CALN1: variants seen among roughly 807,000 people sequenced by gnomAD.
CALN1 encodes the protein calcium-binding protein 8.
CALN1 carries 17 observed loss-of-function variants against 30.6 expected under a neutral mutation model. The observed-to-expected ratio is 0.56, with a 90% confidence interval of 0.38 to 0.83. CALN1 has a LOEUF of 0.83. CALN1 is among the 40% of genes least tolerant of loss of function. The pLI, the probability that CALN1 is intolerant of heterozygous loss-of-function variation, is 0.00. For missense variants in CALN1, 291 were observed against 354.9 expected (o/e 0.82, Z 1.45); for synonymous variants, 156 against 131.4 (o/e 1.19, Z -1.28).
At chr7:72,346,768 G>A (rs1245163104) in intron 2 of CALN1, among the ~76,000 whole-genome samples, 1 of 152,056 alleles carries the variant, frequency 6.6e-6, no homozygotes, top group African/African-American at 2.4e-5. Context: ...CACCCGCCTT[G>A]GCCTCCCAAA....
At chr7:72,440,248 C>T (rs1808306913) in intron 1 of CALN1, among the ~76,000 whole-genome samples, 1 of 152,172 alleles carries the variant, frequency 6.6e-6, no homozygotes, top group Non-Finnish European at 1.5e-5. Context: ...TTAGGTAGCA[C>T]CCAGAATACC....
intron 5 of CALN1, among the ~76,000 whole-genome samples, chr7:71,854,361 C>G (rs886998820): frequency 6.6e-6 from 1 of 150,440 alleles, no homozygotes; most frequent in East Asian, 2.0e-4. Context: ...AAAAAACAGA[C>G]AGACAGACAG....
intron 2 of CALN1, among the ~76,000 whole-genome samples, chr7:72,319,242 T>G (rs1800706917): frequency 6.6e-6 from 1 of 152,110 alleles, no homozygotes; most frequent in East Asian, 1.9e-4. Flanking sequence ...ACTGGACAAT[T>G]TACAAAAGAA....
At chr7:72,235,146 C>T (rs1235823801) in intron 3 of CALN1, among the ~76,000 whole-genome samples, 5 of 152,062 alleles carry the variant, frequency 3.3e-5, no homozygotes, top group South Asian at 4.2e-4. Context: ...TGGTAGCATG[C>T]TCCTGTAGTC....
intron 3 of CALN1, among the ~76,000 whole-genome samples, chr7:72,271,820 T>C (rs1427123820): frequency 6.6e-6 from 1 of 151,370 alleles, no homozygotes; most frequent in African/African-American, 2.4e-5. Flanking sequence ...CCCAGCACTT[T>C]GGAGGCTGAG....
At chr7:72,332,120 T>C (rs1335003830) in intron 2 of CALN1, among the ~76,000 whole-genome samples, 1 of 152,166 alleles carries the variant, frequency 6.6e-6, no homozygotes, top group Non-Finnish European at 1.5e-5. Context: ...TGTAAGATGA[T>C]TCCATGTCTT....
intron 2 of CALN1, among the ~76,000 whole-genome samples, chr7:72,338,304 A>C (rs554940411): frequency 4.6e-5 from 7 of 152,244 alleles, no homozygotes; most frequent in Non-Finnish European, 1.0e-4. Context: ...AGATGTCTTC[A>C]ATTCCCAGAA....
At position 71,787,530 on chromosome 7, in the gene CALN1, G is replaced by T. The variant is rs566877402; in HGVS notation, c.*245C>A. 6 of 426,118 alleles carry T rather than the reference G, an allele frequency of 1.4e-5. No individual in the cohort carries two copies. The highest frequency in any genetic ancestry group is 2.5e-5 in the Non-Finnish European group (6 of 236,450). The allele number at this position is 426,118 out of a possible 1,614,324, so 26.4% of individuals were successfully genotyped here. A position where few individuals can be genotyped will look rare whatever the true frequency, so the allele number is the denominator to read the frequency against. On this transcript the variant is annotated 3_prime_UTR_variant, in exon 7 of 7. Transcript: ENST00000395275. ...GAAGCAATAATTTGGAAATCCTGGC[G>T]ATTTATTGCATTAGAAAACAAAACC...
chr7:71,983,183 C>T (rs1798487987), intron 5 of CALN1, among the ~76,000 whole-genome samples: 1 of 152,220 alleles, frequency 6.6e-6, no homozygotes, highest in African/African-American at 2.4e-5. Flanking sequence ...GAAGAGCAAG[C>T]TATTCTCCTT....
intron 2 of CALN1, among the ~76,000 whole-genome samples, chr7:72,352,564 C>T (rs1802990001): frequency 6.6e-6 from 1 of 151,966 alleles, no homozygotes; most frequent in Admixed American, 6.6e-5. Flanking sequence ...AAAGAATAAT[C>T]ACAAAGGAAG....
At chr7:72,377,619 T>C (rs1804648818) in intron 2 of CALN1, among the ~76,000 whole-genome samples, 1 of 152,230 alleles carries the variant, frequency 6.6e-6, no homozygotes, top group Admixed American at 6.5e-5. Flanking sequence ...GCAACTTCTC[T>C]GAACTAATTT....
rs1793066401 is a variant in CALN1 at position 71,787,875 on chromosome 7, G to A, written c.686C>T (p.Thr229Ile). ...GCATATGAGGCTCTTCCGGACGCAG[G>A]TCTGTCTGTTCTGCTTCTGGGAATG... is the stretch of plus-strand genomic sequence containing the variant. ...GVHSQKQNRQ[T>I]CVRKSLICAF... The change falls in exon 7 of 7, where the codon ACC becomes ATC. Residue 229 changes from threonine (T) to isoleucine (I), a missense_variant. Physicochemically the swap from Thr to Ile is moderately conservative, Grantham distance 89. Coordinates refer to ENST00000395275, the MANE Select transcript of CALN1 (RefSeq NM_031468.4). The A allele has an allele frequency of 6.2e-7, 1 of 1,614,122 alleles. No homozygotes were observed. Among genetic ancestry groups the A allele is most frequent in the Non-Finnish European group, 8.5e-7 (1 of 1,180,028 alleles).
At chr7:72,054,038 C>T (rs1803016494) in intron 4 of CALN1, among the ~76,000 whole-genome samples, 1 of 152,092 alleles carries the variant, frequency 6.6e-6, no homozygotes, top group South Asian at 2.1e-4. Context: ...TTTATCCACT[C>T]ATTGATTGAT....
intron 3 of CALN1, among the ~76,000 whole-genome samples, chr7:72,196,645 G>A (rs542835141): frequency 2.0e-4 from 31 of 152,328 alleles, no homozygotes; most frequent in African/African-American, 6.7e-4. Flanking sequence ...GAAGCACACT[G>A]GGAGATAGGC....
At chr7:72,307,903 A>C (rs1799758965) in intron 2 of CALN1, among the ~76,000 whole-genome samples, 1 of 152,196 alleles carries the variant, frequency 6.6e-6, no homozygotes, top group Non-Finnish European at 1.5e-5. Flanking sequence ...AGACAAAAAA[A>C]AAAAAATGAA....
intron 4 of CALN1, among the ~76,000 whole-genome samples, chr7:72,097,006 G>A (rs540440192): frequency 7.2e-5 from 11 of 152,242 alleles, no homozygotes; most frequent in African/African-American, 1.7e-4. Flanking sequence ...CATATCCTTC[G>A]TAGGGACATG....
chr7:72,374,089 G>A (rs1804403230), intron 2 of CALN1, among the ~76,000 whole-genome samples: 1 of 152,218 alleles, frequency 6.6e-6, no homozygotes, highest in Admixed American at 6.5e-5. Flanking sequence ...TTTCTTGCCA[G>A]TGGACCTGCT....
At chr7:72,189,832 T>G (rs1790477249) in intron 3 of CALN1, among the ~76,000 whole-genome samples, 1 of 151,926 alleles carries the variant, frequency 6.6e-6, no homozygotes, top group Admixed American at 6.6e-5. Context: ...CTTAAACTAG[T>G]CATACGATGT....
At chr7:72,264,303 G>A (rs971271107) in intron 3 of CALN1, among the ~76,000 whole-genome samples, 1 of 152,034 alleles carries the variant, frequency 6.6e-6, no homozygotes, top group African/African-American at 2.4e-5. Flanking sequence ...AAACTTCTCT[G>A]CTCAGCTCAT....
Sources: allele counts gnomAD v4.1 joint callset (sites outside exome capture counted in the v4.1 genomes callset), GRCh38; gene constraint gnomAD v4.1.1; transcripts MANE v1.5; gene names NCBI Gene and HGNC (gene_info 2026-07-23, HGNC 2026-07-21).